GRIN2B: variants seen among roughly 807,000 people sequenced by gnomAD.
The protein encoded by GRIN2B is glutamate receptor ionotropic, NMDA 2B.
A neutral mutation model predicts 114.5 loss-of-function variants in GRIN2B; 5 were observed. The observed-to-expected ratio is 0.04, with a 90% CI of 0.02 to 0.09. The LOEUF is 0.09. GRIN2B is among the 10% of genes least tolerant of loss of function. The probability of loss-of-function intolerance (pLI) is 1.00; values close to 1 mark genes in which losing one functional copy is unlikely to be tolerated. For synonymous variants in GRIN2B, 787 were observed against 745.1 expected (o/e 1.06, Z -0.92); for missense variants, 1,108 against 1,943.5 (o/e 0.57, Z 8.08).
intron 4 of GRIN2B, among the ~76,000 whole-genome samples, chr12:13,696,420 A>C (rs565953480): frequency 6.6e-6 from 1 of 152,220 alleles, no homozygotes; most frequent in Non-Finnish European, 1.5e-5. Flanking sequence ...ATGGTGGGAT[A>C]TAAGATGATT....
chr12:13,838,076 G>T (rs1410337300), intron 3 of GRIN2B, among the ~76,000 whole-genome samples: 1 of 152,178 alleles, frequency 6.6e-6, no homozygotes, highest in African/African-American at 2.4e-5. Context: ...GTTACAAGAG[G>T]AAATGTAAAA....
intron 4 of GRIN2B, among the ~76,000 whole-genome samples, chr12:13,743,911 T>C (rs1863327840): frequency 6.6e-6 from 1 of 152,176 alleles, no homozygotes; most frequent in East Asian, 1.9e-4. Flanking sequence ...ATCTATAATC[T>C]CTTTTGGAAA....
rs1948343820 is a variant in GRIN2B, at chr12:13,546,442, A to C, written c.*16341T>G. The stretch of plus-strand genomic sequence containing the variant: ...CTGCCAGAGCTCACAGGGAATGACA[A>C]ATCTCTGAGGGAATACACCAGAGCA... On this transcript the variant is annotated 3_prime_UTR_variant, in exon 14 of 14. Transcript: ENST00000609686. The C allele has an allele frequency of 1.3e-5, 2 of 152,192 alleles. No individual in the cohort carries two copies. Among genetic ancestry groups the C allele is most frequent in the South Asian group, 2.1e-4 (1 of 4,832 alleles). 9.4% of individuals were successfully genotyped at this position (152,192 alleles called of 1,614,324 possible). A position where few individuals can be genotyped will look rare whatever the true frequency, so the allele number is the denominator to read the frequency against.
At chr12:13,820,018 C>A (rs1164723809) in intron 3 of GRIN2B, among the ~76,000 whole-genome samples, 1 of 152,200 alleles carries the variant, frequency 6.6e-6, no homozygotes, top group African/African-American at 2.4e-5. Context: ...CCTTGAATCT[C>A]TGTCTGACCC....
chr12:13,769,935 T>G (rs549160338), intron 3 of GRIN2B, among the ~76,000 whole-genome samples: 35 of 152,364 alleles, frequency 2.3e-4, no homozygotes, highest in Non-Finnish European at 3.7e-4. Context: ...ATCAAGCAGA[T>G]GTTAAACTAT....
chr12:13,966,397 C>A (rs1165601269), intron 2 of GRIN2B, among the ~76,000 whole-genome samples: 16 of 152,190 alleles, frequency 1.1e-4, no homozygotes, highest in Non-Finnish European at 8.8e-5. Flanking sequence ...GTTTTCCTTA[C>A]AGTTTTTCAT....
chr12:13,629,662 C>CT (rs1294088074), intron 5 of GRIN2B, among the ~76,000 whole-genome samples: 2 of 152,036 alleles, frequency 1.3e-5, no homozygotes, highest in Non-Finnish European at 2.9e-5. Flanking sequence ...TCTCCTCTTT[C>CT]TTTACTTTTC....
In GRIN2B at chr12:13,679,398, T is replaced by C. The variant is rs534366681; in HGVS notation, c.1011-3539A>G. The stretch of plus-strand genomic sequence containing the variant: ...TAAATCACACTCATGAGCAATGTAA[T>C]TGGTCTGTAAATTTTTCTGGCTATT... On this transcript the variant is annotated intron_variant, in intron 4 of 13. Transcript: ENST00000609686. Among the ~76,000 whole-genome samples the C allele has an allele frequency of 2.0e-5, 3 of 152,236 alleles. No homozygotes were observed. The East Asian group carries it at 5.8e-4, about 29-fold the overall frequency.
chr12:13,863,726 T>A (rs1352376644), intron 3 of GRIN2B, among the ~76,000 whole-genome samples: 1 of 152,222 alleles, frequency 6.6e-6, no homozygotes, highest in Non-Finnish European at 1.5e-5. Context: ...TATATTTGTA[T>A]AATGATGTTG....
rs554239672 is a variant in GRIN2B at position 13,932,891 on chromosome 12, A to G, written c.-19+47037T>C. 7.9e-5 allele frequency among the ~76,000 whole-genome samples: 12 copies of G among 151,992 alleles called. No homozygotes were observed. The South Asian group carries it at 2.3e-3, about 29-fold the overall frequency. Reference sequence around the variant, plus strand: ...AAAGACTTCATCTAAAACTATTGGTATTTCTTCATTGGTATTCCAAAATAA... The same window carrying G: ...AAAGACTTCATCTAAAACTATTGGTGTTTCTTCATTGGTATTCCAAAATAA... On this transcript the variant is annotated intron_variant, in intron 2 of 13. Coordinates refer to ENST00000609686, the MANE Select transcript of GRIN2B (RefSeq NM_000834.5).
intron 2 of GRIN2B, among the ~76,000 whole-genome samples, chr12:13,979,350 G>A (rs1043622303): frequency 2.0e-5 from 3 of 151,814 alleles, no homozygotes; most frequent in African/African-American, 2.4e-5. Flanking sequence ...TAGGCCTCCC[G>A]GGATCTCTGG....
intron 2 of GRIN2B, among the ~76,000 whole-genome samples, chr12:13,976,132 C>G (rs368568051): frequency 2.6e-5 from 4 of 152,258 alleles, no homozygotes; most frequent in Non-Finnish European, 5.9e-5. Context: ...GCTATGCCTG[C>G]TCTTTCATCC....
At chr12:13,669,910 A>G (rs1298177231) in intron 5 of GRIN2B, among the ~76,000 whole-genome samples, 1 of 152,110 alleles carries the variant, frequency 6.6e-6, no homozygotes, top group Non-Finnish European at 1.5e-5. Flanking sequence ...CACACCCTGG[A>G]GTTGGTGCTA....
At chr12:13,611,511 G>T (rs1949365156) in intron 9 of GRIN2B, among the ~76,000 whole-genome samples, 2 of 152,282 alleles carry the variant, frequency 1.3e-5, no homozygotes, top group South Asian at 4.1e-4. Flanking sequence ...TAGGCTTGGG[G>T]CCAGGCATAA....
chr12:13,606,056 C>G (rs1194306057), intron 10 of GRIN2B, among the ~76,000 whole-genome samples: 1 of 152,160 alleles, frequency 6.6e-6, no homozygotes, highest in Non-Finnish European at 1.5e-5. Context: ...AGTCTACTAC[C>G]TCTCTGCCAC....
chr12:13,685,880 T>C (rs189353125), intron 4 of GRIN2B, among the ~76,000 whole-genome samples: 1 of 152,292 alleles, frequency 6.6e-6, no homozygotes. Context: ...CTGTAGCACA[T>C]TCTGGAGAAC....
chr12:13,602,854 C>T (rs1358948395), intron 10 of GRIN2B, among the ~76,000 whole-genome samples: 1 of 152,168 alleles, frequency 6.6e-6, no homozygotes, highest in African/African-American at 2.4e-5. Flanking sequence ...AATCAAACTC[C>T]TCTACTTCCT....
chr12:13,600,342 A>T (rs1023087020), intron 10 of GRIN2B, among the ~76,000 whole-genome samples: 1 of 152,206 alleles, frequency 6.6e-6, no homozygotes, highest in Non-Finnish European at 1.5e-5. Flanking sequence ...TTCTTTACCC[A>T]GGTAAGAAAG....
intron 3 of GRIN2B, among the ~76,000 whole-genome samples, chr12:13,794,080 G>T (rs1411224098): frequency 1.4e-5 from 2 of 147,964 alleles, no homozygotes; most frequent in Non-Finnish European, 3.0e-5. Flanking sequence ...TTATCCAGGT[G>T]TCGTAACATG....
Sources: gnomAD v4.1 joint callset for allele counts (sites outside exome capture counted in the v4.1 genomes callset) on GRCh38, gnomAD v4.1.1 for gene constraint, MANE v1.5 for transcripts, NCBI Gene and HGNC (gene_info 2026-07-23, HGNC 2026-07-21) for gene names.